The following STIM2 variants were observed in gnomAD, a reference collection of about 807,000 sequenced individuals.
STIM2 encodes stromal interaction molecule 2.
Under a neutral mutation model 85.8 loss-of-function variants are expected in STIM2, and 31 were observed. That is an observed-to-expected ratio of 0.36 (90% confidence interval 0.27 to 0.49). STIM2 has a LOEUF of 0.49. Ranked by LOEUF, STIM2 falls within the 20% of genes least tolerant of loss-of-function variation. The pLI, the probability that STIM2 is intolerant of heterozygous loss-of-function variation, is 0.98. For synonymous variants in STIM2, 356 were observed against 331.1 expected (o/e 1.08, Z -0.82); for missense variants, 841 against 927.6 (o/e 0.91, Z 1.21).
intron 1 of STIM2, among the ~76,000 whole-genome samples, chr4:26,876,404 G>C (rs1722817040): frequency 6.6e-6 from 1 of 152,028 alleles, no homozygotes; most frequent in East Asian, 1.9e-4. Context: ...CTTTACCTAG[G>C]TTTCCTTTAA....
chr4:26,896,566 C>T (rs1366069791), intron 1 of STIM2, among the ~76,000 whole-genome samples: 2 of 152,108 alleles, frequency 1.3e-5, no homozygotes, highest in Non-Finnish European at 2.9e-5. Context: ...TTATTTTGAA[C>T]TAAGTGTATT....
chr4:26,974,346 T>C (rs1387435573), intron 3 of STIM2, among the ~76,000 whole-genome samples: 1 of 152,262 alleles, frequency 6.6e-6, no homozygotes, highest in Non-Finnish European at 1.5e-5. Context: ...CTTTACAATT[T>C]GGCATGTTTT....
At chr4:26,976,963 C>T (rs1486263589) in intron 3 of STIM2, among the ~76,000 whole-genome samples, 1 of 152,140 alleles carries the variant, frequency 6.6e-6, no homozygotes, top group Non-Finnish European at 1.5e-5. Flanking sequence ...TGTGTAGCTA[C>T]ATATACACTC....
intron 1 of STIM2, among the ~76,000 whole-genome samples, chr4:26,907,389 C>T (rs1724170866): frequency 6.6e-6 from 1 of 152,170 alleles, no homozygotes; most frequent in Non-Finnish European, 1.5e-5. Flanking sequence ...TCACTTCTCT[C>T]TTAAACTATT....
chr4:27,008,764 G>C lies in STIM2; in HGVS notation c.1251G>C (p.Lys417Asn), dbSNP rs1378370698. 1 of 1,613,868 alleles carries C rather than the reference G, an allele frequency of 6.2e-7. No homozygotes were observed. The highest frequency in any genetic ancestry group is 2.2e-5 in the East Asian group (1 of 44,866). ...GTAATTTCTTTATTGGCTTTTCCAG[G>C]AAAGCTCTCTCTGAGTTGACAACTT... The change falls in exon 10 of 12, where the codon AAG becomes AAC. Residue 417 changes from lysine (K) to asparagine (N), a missense_variant and splice_region_variant. Transcript: ENST00000467087.
intron 3 of STIM2, among the ~76,000 whole-genome samples, chr4:26,965,719 ATGCTGATT>A (rs769541689): frequency 6.6e-6 from 1 of 152,052 alleles, no homozygotes; most frequent in Non-Finnish European, 1.5e-5. Context: ...ATCATTGCAT[ATGCTGATT>A]TGCTGGGATT....
chr4:26,921,965 A>T (rs1007435396), intron 2 of STIM2, among the ~76,000 whole-genome samples: 1 of 152,204 alleles, frequency 6.6e-6, no homozygotes, highest in African/African-American at 2.4e-5. Flanking sequence ...AAAGTAGATC[A>T]ATTTATTTAT....
chr4:26,986,152 G>A (rs1727578342), intron 3 of STIM2, among the ~76,000 whole-genome samples: 1 of 152,072 alleles, frequency 6.6e-6, no homozygotes, highest in Non-Finnish European at 1.5e-5. Context: ...TATAAACCAA[G>A]GATTATAATA....
chr4:26,929,791 G>A (rs1417050585), intron 2 of STIM2, among the ~76,000 whole-genome samples: 1 of 152,036 alleles, frequency 6.6e-6, no homozygotes, highest in African/African-American at 2.4e-5. Context: ...GACAAAATCT[G>A]TGCCTTTAAG....
rs190672294 is a variant in STIM2, at chr4:26,921,746, G to A, written c.282+2112G>A. 7.2e-5 allele frequency among the ~76,000 whole-genome samples: 11 copies of A among 152,234 alleles called. No individual in the cohort carries two copies. In the East Asian group the frequency reaches 2.1e-3, roughly 29 times the overall value. ...CTTGTGTCTAGATTACTGTCTCTAA[G>A]TTTTTCCTTTCTAATCCATCATGAT... On this transcript the variant is annotated intron_variant, in intron 2 of 11. Transcript: ENST00000467087.
chr4:26,939,864 G>A (rs1261278684), intron 2 of STIM2, among the ~76,000 whole-genome samples: 1 of 152,092 alleles, frequency 6.6e-6, no homozygotes, highest in Non-Finnish European at 1.5e-5. Context: ...CTGAATATAG[G>A]CCCCATGAGT....
intron 1 of STIM2, among the ~76,000 whole-genome samples, chr4:26,891,581 ACACACACACACACACACC>A (rs2065661050): frequency 6.6e-6 from 1 of 151,074 alleles, no homozygotes; most frequent in African/African-American, 2.5e-5. Flanking sequence ...ACACACACAC[ACACACACACACACACACC>A]CCCTTTTGGT....
At chr4:26,880,044 C>T (rs1173600909) in intron 1 of STIM2, among the ~76,000 whole-genome samples, 1 of 152,192 alleles carries the variant, frequency 6.6e-6, no homozygotes, top group African/African-American at 2.4e-5. Flanking sequence ...AGATAATTTT[C>T]TCCCCCCGCT....
chr4:27,013,671 T>C (rs1263546340), intron 10 of STIM2, among the ~76,000 whole-genome samples: 2 of 152,046 alleles, frequency 1.3e-5, no homozygotes, highest in Admixed American at 6.5e-5. Context: ...TTCAGCTTCC[T>C]TTTCTGTGAA....
intron 1 of STIM2, chr4:26,873,533 G>A (rs1025127717): frequency 2.8e-5 from 11 of 396,290 alleles, no homozygotes; most frequent in East Asian, 5.9e-5. Context: ...GTAGCCCAGG[G>A]TAACTCTGAC....
chr4:26,892,743 G>T (rs1723543748), intron 1 of STIM2, among the ~76,000 whole-genome samples: 2 of 152,298 alleles, frequency 1.3e-5, no homozygotes, highest in South Asian at 2.1e-4. Context: ...AAATTATGAC[G>T]TAGGGCTGGA....
chr4:26,872,035 A>G (rs1331222020), intron 1 of STIM2, among the ~76,000 whole-genome samples: 2 of 152,256 alleles, frequency 1.3e-5, no homozygotes, highest in African/African-American at 4.8e-5. Context: ...TGCTTAGAAT[A>G]GAGCCTGGCA....
At chr4:26,889,900 G>T (rs1202324283) in intron 1 of STIM2, among the ~76,000 whole-genome samples, 1 of 152,120 alleles carries the variant, frequency 6.6e-6, no homozygotes, top group Non-Finnish European at 1.5e-5. Context: ...GCCCAAAGAG[G>T]TCTATCTACA....
intron 2 of STIM2, among the ~76,000 whole-genome samples, chr4:26,949,904 G>C (rs1489748537): frequency 6.6e-6 from 1 of 151,866 alleles, no homozygotes; most frequent in Non-Finnish European, 1.5e-5. Context: ...TTACGTTTTT[G>C]CTTTATAAAA....
Sources: gnomAD v4.1 joint callset for allele counts (sites outside exome capture counted in the v4.1 genomes callset) on GRCh38, gnomAD v4.1.1 for gene constraint, MANE v1.5 for transcripts, NCBI Gene and HGNC (gene_info 2026-07-23, HGNC 2026-07-21) for gene names.